Variants in BCL11A observed in about 807,000 individuals in gnomAD.
The protein encoded by BCL11A is BCL11 transcription factor A.
BCL11A carries 2 observed loss-of-function variants against 55.9 expected under a neutral mutation model. That is an observed-to-expected ratio of 0.04 (90% CI 0.01 to 0.11). The LOEUF (loss-of-function observed/expected upper bound fraction) is 0.11, where lower values mean the gene tolerates loss of function less well. BCL11A is among the 10% of genes least tolerant of loss of function. The pLI is 1.00. For synonymous variants in BCL11A, 465 were observed against 473.4 expected, an observed-to-expected ratio of 0.98 and a Z score of 0.23; for missense variants, 817 against 1,137.1, an observed-to-expected ratio of 0.72 and a Z score of 4.05.
chr2:60,471,131 C>T (rs1378924236), intron 2 of BCL11A, among the ~76,000 whole-genome samples: 2 of 152,200 alleles, frequency 1.3e-5, no homozygotes, highest in African/African-American at 2.4e-5. Context: ...ATGGGGCTTT[C>T]GAAAGGTGCC....
At chr2:60,550,952 C>A (rs1278796466) in intron 1 of BCL11A, 2 of 150,264 alleles carry the variant, frequency 1.3e-5, no homozygotes, top group Non-Finnish European at 2.7e-5. Context: ...CGGGGGAGAG[C>A]GGCGAGGGAG....
chr2:60,454,958 G>A (rs1333635664), downstream of BCL11A, among the ~76,000 whole-genome samples: 3 of 152,196 alleles, frequency 2.0e-5, no homozygotes, highest in Non-Finnish European at 4.4e-5. Context: ...TTCTGCCATG[G>A]CCAGTGCAAA....
intron 1 of BCL11A, chr2:60,550,922 G>C: frequency 2.5e-6 from 1 of 397,916 alleles, no homozygotes; most frequent in Non-Finnish European, 4.4e-6. Flanking sequence ...CGCATCCGGC[G>C]CGGCCGGGGG....
At chr2:60,551,590 C>T (rs1310115170) in intron 1 of BCL11A, among the ~76,000 whole-genome samples, 1 of 152,220 alleles carries the variant, frequency 6.6e-6, no homozygotes, top group African/African-American at 2.4e-5. Context: ...GGAGGGGAGG[C>T]GCAGAACGCG....
At chr2:60,472,871 G>C (rs1182560133) in intron 2 of BCL11A, among the ~76,000 whole-genome samples, 1 of 152,194 alleles carries the variant, frequency 6.6e-6, no homozygotes, top group Non-Finnish European at 1.5e-5. Flanking sequence ...TAAGCAAAAA[G>C]CATCATTCCA....
At position 60,553,217 on chromosome 2, in the gene BCL11A, C is replaced by T. The variant is rs902477442; in HGVS notation, c.54G>A (p.Ser18=). The T allele has an allele frequency of 1.9e-6, 3 of 1,600,858 alleles. No individual in the cohort carries two copies. Among genetic ancestry groups the T allele is most frequent in the Admixed American group, 1.7e-5 (1 of 58,554 alleles). ...KPQHLSKREF[S]PEPLEAILTD... Reference sequence around the variant, plus strand: ...TATTACTATTATTGGGTTACTTACGCGAGAATTCCCGTTTGCTTAAGTGCT... The same window carrying T: ...TATTACTATTATTGGGTTACTTACGTGAGAATTCCCGTTTGCTTAAGTGCT... The change falls in exon 1 of 4, where the codon TCG becomes TCA. Residue 18 remains serine, a splice_region_variant and synonymous_variant. Transcript: ENST00000642384.
chr2:60,508,159 A>G (rs539693180), intron 2 of BCL11A, among the ~76,000 whole-genome samples: 2 of 152,298 alleles, frequency 1.3e-5, no homozygotes, highest in South Asian at 4.1e-4. Flanking sequence ...TATTCATCTC[A>G]AAGAACCAAC....
chr2:60,513,825 T>G lies in BCL11A; in HGVS notation c.385+32146A>C, dbSNP rs73932591. On this transcript the variant is annotated intron_variant, in intron 2 of 3. Coordinates refer to ENST00000642384, the MANE Select transcript of BCL11A (RefSeq NM_022893.4). ...CCTATGCAGTGAACACCTTGCAGTC[T>G]GAAGGGCAGACTCTCTCTTCTCAAC... 8.2e-3 allele frequency among the ~76,000 whole-genome samples: 1,253 copies of G among 152,362 alleles called. 23 individuals are homozygous for G. Among genetic ancestry groups the G allele is most frequent in the African/African-American group, 0.029 (1,201 of 41,584 alleles).
At chr2:60,548,294 C>CAAAAAAAAAAAAAAAAAAAAAAA (rs201461046) in intron 1 of BCL11A, among the ~76,000 whole-genome samples, 1 of 133,868 alleles carries the variant, frequency 7.5e-6, no homozygotes. Flanking sequence ...AGAACCTTTG[C>CAAAAAAAAAAAAAAAAAAAAAAA]AAAAAAAAAA....
At chr2:60,463,765 G>C (rs768574444) in intron 3 of BCL11A, among the ~76,000 whole-genome samples, 10 of 151,880 alleles carry the variant, frequency 6.6e-5, no homozygotes, top group Non-Finnish European at 1.0e-4. Flanking sequence ...GGTAGCCAAA[G>C]GACGAGGATG....
chr2:60,535,421 T>C (rs145395190), intron 2 of BCL11A: 1 of 152,294 alleles, frequency 6.6e-6, no homozygotes, highest in Non-Finnish European at 1.5e-5. Context: ...ACTAAGCCCT[T>C]AAGAGCCAAA....
intron 2 of BCL11A, among the ~76,000 whole-genome samples, chr2:60,471,814 C>G (rs558471663): frequency 4.5e-4 from 68 of 152,286 alleles, no homozygotes; most frequent in Admixed American, 8.5e-4. Flanking sequence ...ATCAGCATCA[C>G]CTGGGAGTTT....
intron 3 of BCL11A, among the ~76,000 whole-genome samples, chr2:60,466,447 C>T (rs1431522326): frequency 6.6e-6 from 1 of 152,168 alleles, no homozygotes; most frequent in Non-Finnish European, 1.5e-5. Flanking sequence ...CCTCCTAAAC[C>T]TTCTGCAATC....
Position 60,459,168 on chromosome 2 carries a change from T to C in BCL11A, c.*1236A>G. 2.0e-6 allele frequency: 2 copies of C among 1,023,958 alleles called. No individual in the cohort carries two copies. Among genetic ancestry groups the C allele is most frequent in the Middle Eastern group, 4.7e-4 (1 of 2,140 alleles). 63.4% of individuals were successfully genotyped at this position (1,023,958 alleles called of 1,614,324 possible). On this transcript the variant is annotated 3_prime_UTR_variant, in exon 4 of 4. Transcript: ENST00000642384. ...TTCTGTTCCCCTCTGTCAAACCTTATTGTCAGCCTCTTCCTTTCAATATGG... is the reference window on the plus strand; with the variant it reads ...TTCTGTTCCCCTCTGTCAAACCTTACTGTCAGCCTCTTCCTTTCAATATGG...
At chr2:60,486,096 C>T (rs929119043) in intron 2 of BCL11A, among the ~76,000 whole-genome samples, 1 of 152,170 alleles carries the variant, frequency 6.6e-6, no homozygotes, top group Non-Finnish European at 1.5e-5. Context: ...ATCAGCAGGT[C>T]AAGAGTAGAG....
chr2:60,512,688 T>C (rs955611273), intron 2 of BCL11A, among the ~76,000 whole-genome samples: 6 of 152,210 alleles, frequency 3.9e-5, no homozygotes, highest in Admixed American at 3.9e-4. Flanking sequence ...TAATTGGAGA[T>C]GGTTTCAATA....
chr2:60,464,792 T>C (rs1022769352), intron 3 of BCL11A, among the ~76,000 whole-genome samples: 4 of 152,178 alleles, frequency 2.6e-5, no homozygotes, highest in Admixed American at 1.3e-4. Context: ...CATCCTAAAC[T>C]TTTTTTCAGA....
At chr2:60,476,866 CT>C (rs1208899438) in intron 2 of BCL11A, among the ~76,000 whole-genome samples, 2 of 152,216 alleles carry the variant, frequency 1.3e-5, no homozygotes, top group Non-Finnish European at 2.9e-5. Flanking sequence ...TGAAAAATCA[CT>C]CTCTAATTTA....
intron 2 of BCL11A, among the ~76,000 whole-genome samples, chr2:60,505,568 C>T (rs1333936333): frequency 1.3e-5 from 2 of 152,246 alleles, no homozygotes; most frequent in Non-Finnish European, 2.9e-5. Context: ...CAGTGGGCCT[C>T]TCTCCCTCAA....
Sources: gnomAD v4.1 joint callset for allele counts (sites outside exome capture counted in the v4.1 genomes callset) on GRCh38, gnomAD v4.1.1 for gene constraint, MANE v1.5 for transcripts, NCBI Gene and HGNC (gene_info 2026-07-23, HGNC 2026-07-21) for gene names.